HNRNPM: variants seen among roughly 807,000 people sequenced by gnomAD.
HNRNPM encodes heterogeneous nuclear ribonucleoprotein M.
HNRNPM carries 11 observed loss-of-function variants against 73.1 expected under a neutral mutation model. That is an observed-to-expected ratio of 0.15 (90% confidence interval 0.09 to 0.25). HNRNPM has a LOEUF of 0.25. Among genes scored for constraint, HNRNPM ranks in the 10% least tolerant of loss-of-function variants. The probability of loss-of-function intolerance (pLI) is 1.00; values close to 1 mark genes in which losing one functional copy is unlikely to be tolerated. For synonymous variants in HNRNPM, 407 were observed against 355.2 expected (o/e 1.15, Z -1.64); for missense variants, 789 against 1,067.9 (o/e 0.74, Z 3.64).
At chr19:8,475,280 G>A (rs1001934912) in intron 12 of HNRNPM, among the ~76,000 whole-genome samples, 21 of 152,304 alleles carry the variant, frequency 1.4e-4, no homozygotes, top group Non-Finnish European at 2.8e-4. Context: ...ACTTGGCCCA[G>A]GGCACCAGCA....
intron 2 of HNRNPM, chr19:8,461,931 T>TA (rs200247467): frequency 0.029 from 4,265 of 147,172 alleles, 80 homozygotes; most frequent in Non-Finnish European, 0.046. Context: ...GGCCTCTTGT[T>TA]AAAAAAAAAA....
Position 8,450,366 on chromosome 19 carries a change from A to G in HNRNPM, c.114-5039A>G, listed in dbSNP as rs186547503. ...CCTTAAGAGAGGGTAGGCAGTCACT[A>G]TTTGGTGGTGGTCTTTTGCAGATTA... On this transcript the variant is annotated intron_variant, in intron 1 of 15. Transcript: ENST00000325495. Among the ~76,000 whole-genome samples, 8 of 152,238 alleles carry G rather than the reference A, an allele frequency of 5.3e-5. No individual in the cohort carries two copies. In the East Asian group the frequency reaches 1.3e-3, roughly 26 times the overall value.
At chr19:8,466,103 A>C (rs890718386) in intron 6 of HNRNPM, 132 bp from the exon 7 acceptor site, 5 of 809,922 alleles carry the variant, frequency 6.2e-6, no homozygotes, top group African/African-American at 1.7e-5. Flanking sequence ...TTTCCATTGC[A>C]GTTGATTAGT....
chr19:8,486,741 C>A (rs1198428924), intron 14 of HNRNPM, among the ~76,000 whole-genome samples: 1 of 152,206 alleles, frequency 6.6e-6, no homozygotes, highest in Admixed American at 6.5e-5. Flanking sequence ...GCTCAGCCAC[C>A]CTTAGCCACT....
chr19:8,460,221 A>C (rs1969306110), intron 2 of HNRNPM, among the ~76,000 whole-genome samples: 1 of 152,210 alleles, frequency 6.6e-6, no homozygotes, highest in South Asian at 2.1e-4. Flanking sequence ...TACTGACTAC[A>C]TAAAATAAAT....
intron 1 of HNRNPM, among the ~76,000 whole-genome samples, chr19:8,448,759 A>G: frequency 6.6e-6 from 1 of 152,068 alleles, no homozygotes; most frequent in Non-Finnish European, 1.5e-5. Context: ...CTGGGATTAT[A>G]GGCGTGAGCT....
intron 6 of HNRNPM, among the ~76,000 whole-genome samples, 199 bp from the exon 7 acceptor site, chr19:8,466,036 T>C (rs536297079): frequency 2.0e-5 from 3 of 152,330 alleles, no homozygotes; most frequent in African/African-American, 7.2e-5. Flanking sequence ...ACAATATATT[T>C]ACTATAGGTA....
chr19:8,474,569 C>T (rs899261301), intron 12 of HNRNPM, among the ~76,000 whole-genome samples: 3 of 152,138 alleles, frequency 2.0e-5, no homozygotes, highest in African/African-American at 7.2e-5. Flanking sequence ...AAGTTTGTCT[C>T]TGGGAGTGCT....
intron 13 of HNRNPM, 45 bp from the exon 14 acceptor site, chr19:8,485,558 A>G (rs749179966): frequency 1.3e-6 from 2 of 1,562,460 alleles, no homozygotes; most frequent in Non-Finnish European, 1.7e-6. Flanking sequence ...GCACACGCAC[A>G]CTCAAGTTCT....
intron 12 of HNRNPM, among the ~76,000 whole-genome samples, chr19:8,480,477 C>T (rs984996844): frequency 6.6e-6 from 1 of 151,680 alleles, no homozygotes; most frequent in African/African-American, 2.4e-5. Context: ...CCAGCCTGGC[C>T]AACATGGTGA....
At chr19:8,463,564 A>T (rs1267592086) in intron 4 of HNRNPM, 29 bp from the exon 5 acceptor site, 1 of 1,612,740 alleles carries the variant, frequency 6.2e-7, no homozygotes, top group Non-Finnish European at 8.5e-7. Flanking sequence ...GACTGGTTTC[A>T]CTCGACTCGT....
At chr19:8,445,333 C>T (rs904807907) in intron 1 of HNRNPM, 1 of 397,238 alleles carries the variant, frequency 2.5e-6, no homozygotes, top group Non-Finnish European at 4.4e-6. Context: ...TCGCCACCCT[C>T]AGTCCCTCCA....
At chr19:8,447,470 G>C (rs1334338370) in intron 1 of HNRNPM, among the ~76,000 whole-genome samples, 3 of 152,138 alleles carry the variant, frequency 2.0e-5, no homozygotes, top group Non-Finnish European at 4.4e-5. Flanking sequence ...CACCTGCTGG[G>C]GGCAGGGACC....
rs1238377501 is a variant in HNRNPM at position 8,468,785 on chromosome 19, C to G, written c.846C>G (p.Ala282=). ...RPMHVKMDER[A]LPKGDFFPPE... is the part of the protein sequence containing the mutation. ...TCTTTCTCTTTCAGGATGAGAGGGCCTTACCAAAAGGAGATTTCTTCCCTC... is the reference window on the plus strand; with the variant it reads ...TCTTTCTCTTTCAGGATGAGAGGGCGTTACCAAAAGGAGATTTCTTCCCTC... The change falls in exon 9 of 16, where the codon GCC becomes GCG. Residue 282 remains alanine, a synonymous_variant. Transcript: ENST00000325495. 1.2e-6 allele frequency: 2 copies of G among 1,613,530 alleles called. No individual in the cohort carries two copies. Among genetic ancestry groups the G allele is most frequent in the Admixed American group, 1.7e-5 (1 of 59,998 alleles).
At chr19:8,485,403 G>A (rs1309881716) in intron 13 of HNRNPM, among the ~76,000 whole-genome samples, 200 bp from the exon 14 acceptor site, 1 of 152,224 alleles carries the variant, frequency 6.6e-6, no homozygotes, top group Non-Finnish European at 1.5e-5. Flanking sequence ...CTGTGGCATA[G>A]AGCAGAGAGA....
chr19:8,445,189 G>T, intron 1 of HNRNPM, 78 bp downstream of exon 1: 2 of 1,239,046 alleles, frequency 1.6e-6, no homozygotes, highest in Non-Finnish European at 2.1e-6. Context: ...CGTTAGGTCT[G>T]TTGGCGGCCT....
In HNRNPM at chr19:8,467,697, T is replaced by C. The variant is rs1449924412; in HGVS notation, c.834+113T>C. On this transcript the variant is annotated intron_variant, in intron 8 of 15. Coordinates refer to ENST00000325495, the MANE Select transcript of HNRNPM (RefSeq NM_005968.5). ...TATTTGTGGATTAGTCTAAGTTAAA[T>C]AGGGTGCAGTATGTTGAGCAAAATT... 35 of 842,768 alleles carry C rather than the reference T, an allele frequency of 4.2e-5. No homozygotes were observed. The East Asian group carries it at 8.4e-4, about 20-fold the overall frequency. The allele number at this position is 842,768 out of a possible 1,614,324, so 52.2% of individuals were successfully genotyped here. A position where few individuals can be genotyped will look rare whatever the true frequency, so the allele number is the denominator to read the frequency against.
At chr19:8,446,140 T>TAAATAGACATAACGTA (rs1968167951) in intron 1 of HNRNPM, among the ~76,000 whole-genome samples, 1 of 152,224 alleles carries the variant, frequency 6.6e-6, no homozygotes, top group African/African-American at 2.4e-5. Flanking sequence ...TTTATTTCAT[T>TAAATAGACATAACGTA]GTGGTAAAAT....
chr19:8,451,559 C>T (rs1968628745), intron 1 of HNRNPM, among the ~76,000 whole-genome samples: 1 of 152,080 alleles, frequency 6.6e-6, no homozygotes, highest in African/African-American at 2.4e-5. Context: ...CTTGCCGAGA[C>T]AGGGTCTCCC....
Sources: allele counts gnomAD v4.1 joint callset (sites outside exome capture counted in the v4.1 genomes callset), GRCh38; gene constraint gnomAD v4.1.1; transcripts MANE v1.5; gene names NCBI Gene and HGNC (gene_info 2026-07-23, HGNC 2026-07-21).